Variants in ZNF676 observed in about 807,000 individuals in gnomAD.
ZNF676 encodes the protein zinc finger protein 676.
Under a neutral mutation model 6.0 loss-of-function variants are expected in ZNF676, and 4 were observed. That is an observed-to-expected ratio of 0.67 (90% CI 0.33 to 1.53). The LOEUF (loss-of-function observed/expected upper bound fraction) is 1.53. Among genes scored for constraint, ZNF676 ranks in the 40% most tolerant of loss-of-function variants. The pLI is 0.06. For synonymous variants in ZNF676, 198 were observed against 223.1 expected, an observed-to-expected ratio of 0.89 and a Z score of 1.00; for missense variants, 644 against 679.7, an observed-to-expected ratio of 0.95 and a Z score of 0.58.
Position 22,214,968 on chromosome 19 carries a change from G to A in ZNF676, c.3+664C>T, listed in dbSNP as rs1234539950. The stretch of plus-strand genomic sequence containing the variant: ...AGGCAGGAGAATGGCGTGAACCCGG[G>A]AGGCGGAGCTTCCAGTGAGCCAAGA... On this transcript the variant is annotated intron_variant, in intron 1 of 3. Transcript: ENST00000650058. Among the ~76,000 whole-genome samples the A allele has an allele frequency of 2.0e-5, 3 of 150,382 alleles. No individual in the cohort carries two copies. In the East Asian group the frequency reaches 5.9e-4, roughly 30 times the overall value.
chr19:22,250,982 G>A, the ZNF676 span, among the ~76,000 whole-genome samples: 1 of 152,284 alleles, frequency 6.6e-6, no homozygotes, highest in East Asian at 1.9e-4. Context: ...ATAGTGCTGG[G>A]ATTACAAGTG....
chr19:22,216,934 T>TAAA (rs368316740), upstream of ZNF676, among the ~76,000 whole-genome samples: 1 of 136,920 alleles, frequency 7.3e-6, no homozygotes, highest in Non-Finnish European at 1.6e-5. Context: ...AGACTCTTTC[T>TAAA]AAAAAAAAAA....
the ZNF676 span, among the ~76,000 whole-genome samples, chr19:22,235,620 T>C: frequency 6.6e-6 from 1 of 152,220 alleles, no homozygotes; most frequent in African/African-American, 2.4e-5. Flanking sequence ...GGCATGCAAA[T>C]GTCTCATGAA....
At chr19:22,238,706 C>G in the ZNF676 span, among the ~76,000 whole-genome samples, 1 of 152,126 alleles carries the variant, frequency 6.6e-6, no homozygotes, top group African/African-American at 2.4e-5. Flanking sequence ...ATCACTAGAT[C>G]TCACAACAGG....
chr19:22,195,713 T>C (rs530687936), intron 1 of ZNF676, among the ~76,000 whole-genome samples: 1 of 152,318 alleles, frequency 6.6e-6, no homozygotes, highest in South Asian at 2.1e-4. Flanking sequence ...AGAGCAATTG[T>C]GCTATCATTT....
rs1222581171 is a variant in ZNF676, at chr19:22,196,927, T to C, written c.-294A>G. ...TCTGAGAAAAGAAAGTGGTATAAGA[T>C]CCATAACATCTGTGTATATGTAATA... On this transcript the variant is annotated 5_prime_UTR_variant, in exon 1 of 3. Transcript: ENST00000397121. The C allele has an allele frequency of 3.5e-6, 2 of 565,460 alleles. No individual in the cohort carries two copies. Among genetic ancestry groups the C allele is most frequent in the Admixed American group, 3.3e-5 (1 of 30,194 alleles). The allele number at this position is 565,460 out of a possible 1,614,324, so 35.0% of individuals were successfully genotyped here.
the ZNF676 span, chr19:22,243,916 G>T: frequency 6.6e-6 from 1 of 152,146 alleles, no homozygotes; most frequent in African/African-American, 2.4e-5. Context: ...AGTCCTAACA[G>T]TTGGCAGTTT....
upstream of ZNF676, among the ~76,000 whole-genome samples, chr19:22,218,194 G>A (rs1281865388): frequency 1.3e-5 from 2 of 152,008 alleles, no homozygotes; most frequent in African/African-American, 2.4e-5. Flanking sequence ...GAGGTTCTTG[G>A]TCATGCACTC....
chr19:22,252,657 C>G, the ZNF676 span, among the ~76,000 whole-genome samples: 3 of 152,292 alleles, frequency 2.0e-5, no homozygotes, highest in African/African-American at 7.2e-5. Flanking sequence ...AGGCAGAGGA[C>G]AGGGTGGAGG....
Position 22,181,095 on chromosome 19 carries a change from T to C in ZNF676, c.622A>G (p.Lys208Glu), listed in dbSNP as rs746645272. The change falls in exon 3 of 3, where the codon AAG (lysine) becomes GAG (glutamate). Residue 208 changes from lysine (K) to glutamate (E), a missense_variant. Physicochemically the swap from Lys to Glu is moderately conservative, Grantham distance 56. This residue lies in a region of ZNF676 where 280 missense variants were observed against 269.3 expected (regional missense o/e 1.04). Coordinates refer to ENST00000397121, the MANE Select transcript of ZNF676 (RefSeq NM_001001411.3). Reference protein sequence around the residue: ...KCEECGKAFSKFSILTKHKVI... With the variant: ...KCEECGKAFSEFSILTKHKVI... Reference sequence around the variant, plus strand: ...TTATGTTTAGTAAGGATTGAGAACTTACTAAAGGCTTTGCCACATTCTTCA... The same window carrying C: ...TTATGTTTAGTAAGGATTGAGAACTCACTAAAGGCTTTGCCACATTCTTCA... 6 of 1,594,262 alleles carry C rather than the reference T, an allele frequency of 3.8e-6. No homozygotes were observed. The highest frequency in any genetic ancestry group is 5.1e-6 in the Non-Finnish European group (6 of 1,170,630).
the ZNF676 span, among the ~76,000 whole-genome samples, chr19:22,232,293 G>T: frequency 6.6e-6 from 1 of 151,864 alleles, no homozygotes; most frequent in East Asian, 1.9e-4. Flanking sequence ...TCAGCCTCCC[G>T]AGTAGCTGGG....
intron 1 of ZNF676, among the ~76,000 whole-genome samples, chr19:22,202,936 A>G (rs182510917): frequency 2.6e-5 from 4 of 152,062 alleles, no homozygotes; most frequent in South Asian, 4.1e-4. Flanking sequence ...GGCTATTTAC[A>G]TTTTAAAGCA....
At chr19:22,228,218 G>A in the ZNF676 span, among the ~76,000 whole-genome samples, 65 of 152,148 alleles carry the variant, frequency 4.3e-4, no homozygotes, top group African/African-American at 1.2e-3. Context: ...ATCAATAAAC[G>A]TAATCCATCA....
intron 2 of ZNF676, among the ~76,000 whole-genome samples, chr19:22,182,603 G>C (rs201856247): frequency 5.4e-5 from 2 of 37,262 alleles, no homozygotes; most frequent in Non-Finnish European, 1.0e-4. Context: ...AAAAAAAAAA[G>C]CAAACAAAAA....
the ZNF676 span, among the ~76,000 whole-genome samples, chr19:22,237,471 A>T: frequency 6.6e-6 from 1 of 150,972 alleles, no homozygotes; most frequent in South Asian, 2.1e-4. Flanking sequence ...GTTCTTTCTG[A>T]GTGTAGTGTA....
chr19:22,251,181 C>T, the ZNF676 span, among the ~76,000 whole-genome samples: 2 of 152,162 alleles, frequency 1.3e-5, no homozygotes, highest in African/African-American at 4.8e-5. Flanking sequence ...ATATCAAAGC[C>T]AATTTTAAAA....
the ZNF676 span, among the ~76,000 whole-genome samples, chr19:22,234,768 T>A: frequency 6.6e-6 from 1 of 152,014 alleles, no homozygotes; most frequent in African/African-American, 2.4e-5. Context: ...ACCCCAAGTC[T>A]ACTAAATATA....
Position 22,180,129 on chromosome 19 carries a change from C to G in ZNF676, c.1588G>C (p.Glu530Gln), listed in dbSNP as rs564831436. Reference sequence around the variant, plus strand: ...CATTCTTCACATTTGTAGGGTTTCTCTCCAGTATGAATTATCTTATGTTCA... The same window carrying G: ...CATTCTTCACATTTGTAGGGTTTCTGTCCAGTATGAATTATCTTATGTTCA... ...LTEHKIIHTG[E>Q]KPYKCEECGK... Residue 530 changes from glutamate to glutamine, a missense_variant, in exon 3 of 3, where the codon GAG (glutamate) becomes CAG (glutamine). This residue lies in a region of ZNF676 where 306 missense variants were observed against 265.4 expected (regional missense o/e 1.15). Coordinates refer to ENST00000397121, the MANE Select transcript of ZNF676 (RefSeq NM_001001411.3). The G allele has an allele frequency of 1.5e-4, 242 of 1,613,812 alleles. 1 individual carries two copies. The Admixed American group carries it at 4.0e-3, about 26-fold the overall frequency.
upstream of ZNF676, among the ~76,000 whole-genome samples, chr19:22,200,515 A>ATTTTTTTTTTTTTTTTTTTTTTTTTTTT (rs3035052): frequency 9.4e-6 from 1 of 105,852 alleles, no homozygotes; most frequent in Non-Finnish European, 1.8e-5. Context: ...TGCTTCATCA[A>ATTTTTTTTTTTTTTTTTTTTTTTTTTTT]TTTTTTTTTT....
Sources: gnomAD v4.1 joint callset for allele counts (sites outside exome capture counted in the v4.1 genomes callset) on GRCh38, gnomAD v4.1.1 for gene constraint, gnomAD v4.1.1 regional missense constraint, MANE v1.5 for transcripts, NCBI Gene and HGNC (gene_info 2026-07-23, HGNC 2026-07-21) for gene names.